Variants in ESR1 observed in about 807,000 individuals in gnomAD.
ESR1 encodes estrogen receptor 1.
In ESR1, 12 loss-of-function variants were observed where a neutral mutation model predicts 52.7. That is an observed-to-expected ratio of 0.23 (90% CI 0.15 to 0.37). The LOEUF (loss-of-function observed/expected upper bound fraction) is 0.37. Ranked by LOEUF, ESR1 falls within the 10% of genes least tolerant of loss-of-function variation. The probability of loss-of-function intolerance (pLI) is 1.00; values close to 1 mark genes in which losing one functional copy is unlikely to be tolerated. For synonymous variants in ESR1, 305 were observed against 316.8 expected (o/e 0.96, Z 0.39); for missense variants, 584 against 779.7 (o/e 0.75, Z 2.99).
chr6:151,766,314 A>G (rs1344068061), intron 2 of ESR1, among the ~76,000 whole-genome samples: 2 of 152,114 alleles, frequency 1.3e-5, no homozygotes, highest in Non-Finnish European at 2.9e-5. Context: ...CTCTGATACT[A>G]AACTCCAATA....
intron 2 of ESR1, among the ~76,000 whole-genome samples, chr6:151,737,859 C>T (rs1782792514): frequency 6.6e-6 from 1 of 152,016 alleles, no homozygotes; most frequent in Non-Finnish European, 1.5e-5. Flanking sequence ...TTTTTGATGC[C>T]TACCTACTAT....
At chr6:151,788,602 G>T (rs576003279) in intron 2 of ESR1, among the ~76,000 whole-genome samples, 2 of 152,260 alleles carry the variant, frequency 1.3e-5, no homozygotes, top group African/African-American at 2.4e-5. Context: ...CCATGACTGG[G>T]TATATACCCA....
chr6:152,044,334 A>C lies in ESR1; in HGVS notation c.1236-16657A>C, dbSNP rs1394922929. ...ACTCCAGAAACCCCAAAACCATCTA[A>C]AGAAATCCATCCGTAAAATTCTGTT... On this transcript the variant is annotated intron_variant, in intron 5 of 7. Transcript: ENST00000206249. 4.6e-5 allele frequency among the ~76,000 whole-genome samples: 7 copies of C among 152,180 alleles called. No homozygotes were observed. In the South Asian group the frequency reaches 1.0e-3, roughly 23 times the overall value.
chr6:151,894,539 G>C (rs1168017760), intron 3 of ESR1, among the ~76,000 whole-genome samples: 5 of 152,122 alleles, frequency 3.3e-5, no homozygotes, highest in Non-Finnish European at 5.9e-5. Flanking sequence ...TTAAGTCCTT[G>C]ATCCATCTTG....
chr6:152,025,087 A>C (rs1483908991), intron 5 of ESR1, among the ~76,000 whole-genome samples: 1 of 151,738 alleles, frequency 6.6e-6, no homozygotes, highest in African/African-American at 2.4e-5. Flanking sequence ...CAAAGTTTAT[A>C]GGAATTTCTG....
At chr6:151,782,259 A>G (rs1262962466) in intron 2 of ESR1, among the ~76,000 whole-genome samples, 1 of 152,248 alleles carries the variant, frequency 6.6e-6, no homozygotes, top group African/African-American at 2.4e-5. Flanking sequence ...AAACTAATGT[A>G]TCATCATGTA....
intron 2 of ESR1, among the ~76,000 whole-genome samples, chr6:151,855,063 G>T (rs1787564225): frequency 6.6e-6 from 1 of 152,092 alleles, no homozygotes; most frequent in Non-Finnish European, 1.5e-5. Context: ...ACAGGCATGG[G>T]CCACCACACC....
chr6:151,999,038 G>C (rs2041737196), intron 4 of ESR1, among the ~76,000 whole-genome samples: 1 of 152,060 alleles, frequency 6.6e-6, no homozygotes, highest in African/African-American at 2.4e-5. Flanking sequence ...TGTCTGAGTT[G>C]CTGTCCTGGT....
intron 2 of ESR1, among the ~76,000 whole-genome samples, chr6:151,857,687 C>G (rs1404253979): frequency 1.3e-5 from 2 of 152,056 alleles, no homozygotes; most frequent in Non-Finnish European, 2.9e-5. Context: ...TGCCACCATG[C>G]CTGGCTAATT....
intron 5 of ESR1, among the ~76,000 whole-genome samples, chr6:152,020,571 C>T (rs372454470): frequency 3.9e-5 from 6 of 152,198 alleles, no homozygotes; most frequent in African/African-American, 1.4e-4. Flanking sequence ...GTGCCTCAGC[C>T]TACAGAGTAG....
At chr6:151,857,471 ACACACAAACACACCCACCCACC>A (rs1562483461) in intron 2 of ESR1, among the ~76,000 whole-genome samples, 1 of 151,344 alleles carries the variant, frequency 6.6e-6, no homozygotes, top group Non-Finnish European at 1.5e-5. Context: ...ACACACCCAC[ACACACAAACACACCCACCCACC>A]CACACACACA....
At chr6:151,863,577 T>C (rs1430423590) in intron 2 of ESR1, among the ~76,000 whole-genome samples, 8 of 152,202 alleles carry the variant, frequency 5.3e-5, no homozygotes. Context: ...TATACAATCA[T>C]GTCATCTGCA....
At chr6:151,700,213 G>A (rs562796565) in intron 1 of ESR1, among the ~76,000 whole-genome samples, 10 of 152,184 alleles carry the variant, frequency 6.6e-5, no homozygotes, top group Non-Finnish European at 8.8e-5. Flanking sequence ...AGATTAGTGG[G>A]TTGAAGTGGT....
intron 2 of ESR1, among the ~76,000 whole-genome samples, chr6:151,741,235 C>T (rs1380289730): frequency 6.6e-6 from 1 of 152,096 alleles, no homozygotes; most frequent in Non-Finnish European, 1.5e-5. Flanking sequence ...TCCTCCTTCT[C>T]CTCCTCACTC....
intron 1 of ESR1, among the ~76,000 whole-genome samples, chr6:151,676,243 A>G (rs1778248069): frequency 6.6e-6 from 1 of 152,168 alleles, no homozygotes; most frequent in African/African-American, 2.4e-5. Flanking sequence ...CAACTCGGTG[A>G]GCCAGGTCCA....
chr6:152,077,726 G>T (rs1419176890), intron 6 of ESR1, among the ~76,000 whole-genome samples: 2 of 152,218 alleles, frequency 1.3e-5, no homozygotes, highest in East Asian at 3.8e-4. Context: ...TTTAGAATTT[G>T]ACTGCCCTGG....
In ESR1 at chr6:152,101,958, A is replaced by C. The variant is rs528804265; in HGVS notation, c.*2992A>C. The C allele has an allele frequency of 9.2e-6, 2 of 216,310 alleles. No homozygotes were observed. Among genetic ancestry groups the C allele is most frequent in the Non-Finnish European group, 9.3e-6 (1 of 107,174 alleles). The allele number at this position is 216,310 out of a possible 1,614,324, so 13.4% of individuals were successfully genotyped here. On this transcript the variant is annotated 3_prime_UTR_variant, in exon 8 of 8. Coordinates refer to ENST00000206249, the MANE Select transcript of ESR1 (RefSeq NM_000125.4). ...CAACATCAGCAGTAAAGTCCATGGA[A>C]TAGCTAGTGGTCTGTGTTTCTTTTC...
chr6:151,657,393 T>C (rs1351036150), intron 1 of ESR1, among the ~76,000 whole-genome samples: 2 of 152,186 alleles, frequency 1.3e-5, no homozygotes, highest in Non-Finnish European at 2.9e-5. Flanking sequence ...ATTGTTAAGT[T>C]AAATATTTTG....
At chr6:151,704,871 A>G (rs1562342251) in intron 2 of ESR1, among the ~76,000 whole-genome samples, 2 of 151,924 alleles carry the variant, frequency 1.3e-5, no homozygotes, top group East Asian at 1.9e-4. Context: ...ACTTAGGACA[A>G]TAACTCAAGG....
Sources: gnomAD v4.1 joint callset for allele counts (sites outside exome capture counted in the v4.1 genomes callset) on GRCh38, gnomAD v4.1.1 for gene constraint, MANE v1.5 for transcripts, NCBI Gene and HGNC (gene_info 2026-07-23, HGNC 2026-07-21) for gene names.